The following EEF2K variants were observed in gnomAD, a reference collection of about 807,000 sequenced individuals.
EEF2K encodes the protein alternative protein EEF2K.
In EEF2K, 70 loss-of-function variants were observed where a neutral mutation model predicts 93.8. The ratio of observed to expected loss-of-function variants is 0.75; its 90% confidence interval spans 0.62 to 0.91. The LOEUF is 0.91. Among genes scored for constraint, EEF2K ranks in the 40% least tolerant of loss-of-function variants. EEF2K has a pLI of 0.00. For synonymous variants in EEF2K, 376 were observed against 380.8 expected (o/e 0.99, Z 0.15); for missense variants, 935 against 972.9 (o/e 0.96, Z 0.52).
intron 2 of EEF2K, among the ~76,000 whole-genome samples, chr16:22,241,656 AAAAAAAC>A (rs1192097960): frequency 7.9e-5 from 12 of 151,476 alleles, no homozygotes; most frequent in Non-Finnish European, 1.5e-4. Context: ...AAAAAAAAAA[AAAAAAAC>A]ATATAGAAGA....
rs2047683963 is a variant in EEF2K, at chr16:22,280,636, G to GTT, written c.2068+261_2068+262insTT. Among the ~76,000 whole-genome samples the GTT allele has an allele frequency of 3.3e-5, 5 of 150,288 alleles. No individual in the cohort carries two copies. In the South Asian group the frequency reaches 1.1e-3, roughly 32 times the overall value. ...TCACCATCTTAAAGTATATAGTTTA[G>GTT]TAGGGGGGTTTTCCTTTCCTTTCTT... On this transcript the variant is annotated intron_variant, in intron 17 of 17. Transcript: ENST00000263026.
At chr16:22,248,854 C>T (rs973542309) in intron 4 of EEF2K, 39 bp downstream of exon 4, 1 of 1,600,684 alleles carries the variant, frequency 6.2e-7, no homozygotes, top group Non-Finnish European at 8.6e-7. Flanking sequence ...CAGGGCTGAG[C>T]AAAGACTTTC....
chr16:22,241,371 C>T (rs2047220144), intron 2 of EEF2K, among the ~76,000 whole-genome samples: 1 of 151,976 alleles, frequency 6.6e-6, no homozygotes, highest in East Asian at 1.9e-4. Flanking sequence ...GTAGGCCGGG[C>T]AAGGTGGCCA....
chr16:22,271,565 G>A (rs1262222079), intron 15 of EEF2K, among the ~76,000 whole-genome samples: 1 of 151,488 alleles, frequency 6.6e-6, no homozygotes, highest in Non-Finnish European at 1.5e-5. Context: ...GCCTGGTGTG[G>A]TGCACCTGCC....
chr16:22,233,357 G>C (rs7185354), intron 2 of EEF2K, among the ~76,000 whole-genome samples: 60,167 of 151,766 alleles, frequency 0.4, 13,535 homozygotes, highest in East Asian at 0.87. Context: ...TTTTTAATTT[G>C]TTATTAAGGT....
At chr16:22,234,899 T>TTTTA (rs1185430519) in intron 2 of EEF2K, among the ~76,000 whole-genome samples, 6 of 145,412 alleles carry the variant, frequency 4.1e-5, no homozygotes, top group Non-Finnish European at 9.1e-5. Context: ...TTTTTTTTTT[T>TTTTA]AGGGGCGGTT....
At position 22,256,728 on chromosome 16, in the gene EEF2K, C is replaced by T. The variant is rs1371023008; in HGVS notation, c.619-20C>T. The T allele has an allele frequency of 1.9e-6, 3 of 1,611,468 alleles. No individual in the cohort carries two copies. The highest frequency in any genetic ancestry group is 2.2e-5 in the East Asian group (1 of 44,848). ...GTGCGCCTGGGCCCTCCCGCCTGAG[C>T]CCACTCCCCATCCCACCAGGTGGAC... On this transcript the variant is annotated intron_variant, in intron 6 of 17. Transcript: ENST00000263026.
intron 1 of EEF2K, among the ~76,000 whole-genome samples, chr16:22,223,534 C>A (rs1478531719): frequency 6.6e-6 from 1 of 152,032 alleles, no homozygotes; most frequent in Non-Finnish European, 1.5e-5. Context: ...TTGGGTATGG[C>A]GTAAGGAAGG....
chr16:22,266,376 T>C lies in EEF2K; in HGVS notation c.1441-14T>C. 6.2e-7 allele frequency: 1 copy of C among 1,610,584 alleles called. No homozygotes were observed. The highest frequency in any genetic ancestry group is 8.5e-7 in the Non-Finnish European group (1 of 1,178,400). On this transcript the variant is annotated splice_polypyrimidine_tract_variant and intron_variant, in intron 13 of 17. Transcript: ENST00000263026. ...CCCAGCCCCTCGCTTCCCTGGCCGG[T>C]TCTTTCCCTTCAGGTATGTGTAGAG...
chr16:22,225,998 C>A, intron 2 of EEF2K, 23 bp downstream of exon 2: 1 of 1,611,108 alleles, frequency 6.2e-7, no homozygotes, highest in Non-Finnish European at 8.5e-7. Flanking sequence ...CCTATTCCAC[C>A]TTCCCCACCT....
chr16:22,223,342 AG>A (rs1740613947), intron 1 of EEF2K, among the ~76,000 whole-genome samples: 1 of 148,216 alleles, frequency 6.7e-6, no homozygotes, highest in Non-Finnish European at 1.5e-5. Context: ...GCAATGGCAC[AG>A]TCTCAGCTCA....
At chr16:22,278,547 A>G (rs999667952) in intron 16 of EEF2K, among the ~76,000 whole-genome samples, 3 of 152,144 alleles carry the variant, frequency 2.0e-5, no homozygotes, top group African/African-American at 7.2e-5. Flanking sequence ...GCAAAGGTAG[A>G]CAAACAGGAG....
At chr16:22,211,842 C>A (rs1027484238) in intron 1 of EEF2K, among the ~76,000 whole-genome samples, 1 of 152,138 alleles carries the variant, frequency 6.6e-6, no homozygotes, top group Non-Finnish European at 1.5e-5. Context: ...TTCATTCATG[C>A]AGCATGCACT....
intron 2 of EEF2K, among the ~76,000 whole-genome samples, chr16:22,231,305 C>T (rs1051155667): frequency 2.0e-4 from 31 of 151,448 alleles, no homozygotes; most frequent in African/African-American, 3.6e-4. Context: ...TTAGTAGAGA[C>T]GGGGGTTTCA....
At chr16:22,211,019 T>G (rs1416500044) in intron 1 of EEF2K, among the ~76,000 whole-genome samples, 1 of 152,170 alleles carries the variant, frequency 6.6e-6, no homozygotes, top group Non-Finnish European at 1.5e-5. Flanking sequence ...TTGTGCTCTT[T>G]CATTGGCCAG....
intron 4 of EEF2K, among the ~76,000 whole-genome samples, chr16:22,249,588 A>G (rs951748587): frequency 2.0e-5 from 3 of 151,936 alleles, no homozygotes. Flanking sequence ...TTTTTGCTTC[A>G]TATAAGTGGG....
intron 16 of EEF2K, among the ~76,000 whole-genome samples, chr16:22,274,994 C>G (rs538810480): frequency 2.6e-4 from 40 of 152,194 alleles, no homozygotes; most frequent in Non-Finnish European, 5.6e-4. Flanking sequence ...TAGCAAGTGG[C>G]AGAGCCAACT....
Position 22,217,230 on chromosome 16 carries a change from G to GAT in EEF2K, c.-76-8423_-76-8422insTA, listed in dbSNP as rs200590599. Among the ~76,000 whole-genome samples the GAT allele has an allele frequency of 5.0e-3, 674 of 133,858 alleles. 5 individuals are homozygous for GAT. The highest frequency in any genetic ancestry group is 0.017 in the African/African-American group (642 of 38,788). 87.8% of individuals were successfully genotyped at this position (133,858 alleles called of 152,430 possible). On this transcript the variant is annotated intron_variant, in intron 1 of 17. Transcript: ENST00000263026. The stretch of plus-strand genomic sequence containing the variant: ...AGTGATATATATAGATAGATAGATA[G>GAT]AGAGAGAGAGAGAGAGAGATGCGAA...
In EEF2K at chr16:22,225,828, T is replaced by C. The variant is rs1454187713; in HGVS notation, c.99T>C (p.Asp33=). The C allele has an allele frequency of 1.9e-6, 3 of 1,614,074 alleles. No individual in the cohort carries two copies. In the Admixed American group the frequency reaches 5.0e-5, roughly 27 times the overall value. Residue 33 remains aspartate (D), a synonymous_variant, in exon 2 of 18, where the codon GAT becomes GAC. Coordinates refer to ENST00000263026, the MANE Select transcript of EEF2K (RefSeq NM_013302.5). ...HDGDSDGDSD[D]EEGYFICPIT... is the part of the protein sequence containing the mutation. ...GTGATTCTGATGGGGACAGCGACGA[T>C]GAGGAAGGTTACTTCATCTGCCCCA...
Sources: allele counts gnomAD v4.1 joint callset (sites outside exome capture counted in the v4.1 genomes callset), GRCh38; gene constraint gnomAD v4.1.1; transcripts MANE v1.5; gene names NCBI Gene and HGNC (gene_info 2026-07-23, HGNC 2026-07-21).